ZNF541: variants seen among roughly 807,000 people sequenced by gnomAD.
ZNF541 encodes the protein zinc finger protein 541.
A neutral mutation model predicts 123.5 loss-of-function variants in ZNF541; 23 were observed. The ratio of observed to expected loss-of-function variants is 0.19; its 90% confidence interval spans 0.13 to 0.26. The LOEUF (loss-of-function observed/expected upper bound fraction) is 0.26. Ranked by LOEUF, ZNF541 falls within the 10% of genes least tolerant of loss-of-function variation. ZNF541 has a pLI of 1.00. For missense variants in ZNF541, 1,612 were observed against 1,789.9 expected, an observed-to-expected ratio of 0.90 and a Z score of 1.79; for synonymous variants, 751 against 754.5, an observed-to-expected ratio of 1.00 and a Z score of 0.08.
Position 47,549,403 on chromosome 19 carries a change from C to T in ZNF541, c.390G>A (p.Arg130=). The change falls in exon 4 of 17, where the codon CGG becomes CGA. Residue 130 remains arginine, a synonymous_variant. Coordinates refer to ENST00000391901, the MANE Select transcript of ZNF541 (RefSeq NM_001277075.3). ...GTGGGTTTTGAGGGGAACTGTGCTG[C>T]CGCTTTCCTTTCCTGGCACTCCCCG... is the stretch of plus-strand genomic sequence containing the variant. ...ATSGSARKGK[R]QHSSPQNPLL... 1 of 1,551,714 alleles carries T rather than the reference C, an allele frequency of 6.4e-7. No homozygotes were observed. The highest frequency in any genetic ancestry group is 1.2e-5 in the South Asian group (1 of 84,068).
At position 47,539,760 on chromosome 19, in the gene ZNF541, A is replaced by G; in HGVS notation, c.2741T>C (p.Val914Ala). The G allele has an allele frequency of 6.8e-7, 1 of 1,463,818 alleles. No homozygotes were observed. Among genetic ancestry groups the G allele is most frequent in the Non-Finnish European group, 9.0e-7 (1 of 1,114,294 alleles). The allele number at this position is 1,463,818 out of a possible 1,614,324, so 90.7% of individuals were successfully genotyped here. A position where few individuals can be genotyped will look rare whatever the true frequency, so the allele number is the denominator to read the frequency against. The part of the protein sequence containing the change: ...LDPTAAAPLV[V>A]PQSIPVVPVT... ...TGGAACCACGGGGATCGATTGGGGG[A>G]CCACCAAAGGGGCTGCAGCTGTGGG... Residue 914 changes from valine to alanine, a missense_variant, in exon 8 of 17, where the codon GTC (valine) becomes GCC (alanine). Val to Ala is a moderately conservative substitution (Grantham distance 64). Transcript: ENST00000391901.
chr19:47,571,256 G>C (rs1418720102), intron 2 of ZNF541, among the ~76,000 whole-genome samples: 2 of 151,964 alleles, frequency 1.3e-5, no homozygotes, highest in African/African-American at 2.4e-5. Flanking sequence ...GGGACTACAG[G>C]CGCCTGCCAC....
chr19:47,529,616 T>C lies in ZNF541; in HGVS notation c.3442A>G (p.Lys1148Glu), dbSNP rs376357174. ...TCAGCGAGCAGGTGTGTCCGTGGCT[T>C]GTGGGGCCCTCGGAGCAGAAGAGTC... ...LETLLLRGPHKPRTHLLADYR... is the reference protein window; with the variant it reads ...LETLLLRGPHEPRTHLLADYR... Residue 1148 changes from lysine to glutamate, a missense_variant, in exon 13 of 17, where the codon AAG becomes GAG. Transcript: ENST00000391901. 1.5e-4 allele frequency: 238 copies of C among 1,551,560 alleles called. No individual in the cohort carries two copies. The African/African-American group carries it at 2.7e-3, about 18-fold the overall frequency.
Position 47,555,620 on chromosome 19 carries a change from G to T in ZNF541, c.237C>A (p.Ser79=). Residue 79 remains serine (S), a synonymous_variant, in exon 3 of 17, where the codon TCC becomes TCA. Transcript: ENST00000391901. ...EDNLDTLSLY[S]GKDSDSVKLL... is the part of the protein sequence containing the mutation. ...GCTTCACAGAATCACTGTCCTTCCC[G>T]GAGTACAGGGACAAGGTGTCTAAGT... 6.4e-7 allele frequency: 1 copy of T among 1,551,602 alleles called. No homozygotes were observed. The highest frequency in any genetic ancestry group is 1.2e-5 in the South Asian group (1 of 84,056).
Position 47,521,221 on chromosome 19 carries a change from G to C in ZNF541, c.*3C>G. ...GCCCCATTCGGACTTGCTGCCACGG[G>C]AGTCACCACTGCAGGGGGCCGATGT... On this transcript the variant is annotated 3_prime_UTR_variant, in exon 17 of 17. Transcript: ENST00000391901. The surrounding 1 kb of genome is among the most constrained non-coding windows in gnomAD (Gnocchi z 4.2). The C allele has an allele frequency of 6.4e-7, 1 of 1,551,016 alleles. No homozygotes were observed. The highest frequency in any genetic ancestry group is 8.7e-7 in the Non-Finnish European group (1 of 1,146,594).
chr19:47,570,562 G>A (rs567288662), intron 2 of ZNF541, among the ~76,000 whole-genome samples: 2 of 111,680 alleles, frequency 1.8e-5, no homozygotes, highest in Non-Finnish European at 3.4e-5. Flanking sequence ...GGGCGACAGA[G>A]CAAGACTCTG....
chr19:47,566,032 C>A (rs997497662), intron 2 of ZNF541, among the ~76,000 whole-genome samples: 4 of 151,980 alleles, frequency 2.6e-5, no homozygotes, highest in African/African-American at 9.7e-5. Flanking sequence ...CAAAAATTAG[C>A]CGCGCATGGT....
Position 47,554,795 on chromosome 19 carries a change from C to T in ZNF541, c.307+755G>A, listed in dbSNP as rs142872133. Among the ~76,000 whole-genome samples the T allele has an allele frequency of 5.3e-5, 8 of 152,238 alleles. No homozygotes were observed. The East Asian group carries it at 9.7e-4, about 18-fold the overall frequency. On this transcript the variant is annotated intron_variant, in intron 3 of 16. Coordinates refer to ENST00000391901, the MANE Select transcript of ZNF541 (RefSeq NM_001277075.3). ...TTCCCTAGAATGAGTGTTCTGTTTC[C>T]TTTACTAAGAATTGGGGGCCGAGTG...
intron 9 of ZNF541, among the ~76,000 whole-genome samples, chr19:47,533,564 C>T (rs1969682057): frequency 6.6e-6 from 1 of 151,802 alleles, no homozygotes; most frequent in South Asian, 2.1e-4. Context: ...TCAACTAGGC[C>T]GGGTGGGGTG....
chr19:47,543,722 C>G (rs1234899984), intron 5 of ZNF541, among the ~76,000 whole-genome samples: 1 of 151,572 alleles, frequency 6.6e-6, no homozygotes, highest in African/African-American at 2.4e-5. Context: ...CTCACTGAAA[C>G]CTCCATCTTC....
At chr19:47,542,234 C>A (rs925519914) in intron 5 of ZNF541, among the ~76,000 whole-genome samples, 1 of 151,936 alleles carries the variant, frequency 6.6e-6, no homozygotes, top group African/African-American at 2.4e-5. Flanking sequence ...GGGGGGAGGG[C>A]GAGATTGTGG....
chr19:47,540,032 C>T (rs1202850855), intron 7 of ZNF541, 144 bp downstream of exon 7: 1 of 1,417,812 alleles, frequency 7.1e-7, no homozygotes, highest in Non-Finnish European at 9.4e-7. Flanking sequence ...CAATGGCCTG[C>T]CCCTGGAGAG....
chr19:47,546,180 C>CTTAA (rs1970347803), intron 4 of ZNF541, among the ~76,000 whole-genome samples, 200 bp from the exon 5 acceptor site: 3 of 148,532 alleles, frequency 2.0e-5, no homozygotes, highest in African/African-American at 7.7e-5. Flanking sequence ...CTCCCCTCAC[C>CTTAA]TTTAAGCAAA....
chr19:47,571,848 T>C (rs934810559), intron 2 of ZNF541, among the ~76,000 whole-genome samples, 48 bp downstream of exon 2: 25 of 152,176 alleles, frequency 1.6e-4, no homozygotes, highest in African/African-American at 5.8e-4. Context: ...ACGAGATCTA[T>C]CCAACAAAGC....
At chr19:47,555,390 T>C (rs1023587746) in intron 3 of ZNF541, among the ~76,000 whole-genome samples, 160 bp downstream of exon 3, 10 of 147,018 alleles carry the variant, frequency 6.8e-5, no homozygotes, top group Non-Finnish European at 1.2e-4. Context: ...AAAAAAAGAA[T>C]TGGGGAATGA....
chr19:47,567,460 T>C (rs1003227702), intron 2 of ZNF541, among the ~76,000 whole-genome samples: 5 of 152,202 alleles, frequency 3.3e-5, no homozygotes, highest in Non-Finnish European at 4.4e-5. Flanking sequence ...GGTTTCACCA[T>C]GTTGGCTAAG....
At chr19:47,529,519 G>C in intron 13 of ZNF541, 58 bp downstream of exon 13, 1 of 1,520,278 alleles carries the variant, frequency 6.6e-7, no homozygotes, top group Non-Finnish European at 8.9e-7. Context: ...CAACAGAGCT[G>C]GCCGATTCAT....
rs1353655871 is a variant in ZNF541 at position 47,545,765 on chromosome 19, C to T, written c.764G>A (p.Arg255Gln). Residue 255 changes from arginine (R) to glutamine (Q), a missense_variant, in exon 5 of 17, where the codon CGG (arginine) becomes CAG (glutamine). Physicochemically the swap from Arg to Gln is conservative, Grantham distance 43 (BLOSUM62 1). Around this residue, in one of 5 missense-constraint regions of ZNF541, gnomAD observed 1,080 missense variants for 1,013.8 expected, o/e 1.07. Transcript: ENST00000391901. This position sits in a 1 kb window ranked among gnomAD's most constrained non-coding sequence, Gnocchi z 7.5. The stretch of plus-strand genomic sequence containing the variant: ...CCTGGCCTCTGGGGGCACCAGGGAC[C>T]GCAGGCTGCTGGGGGGCGGCTGGCC... ...SAGQPPPSSL[R>Q]SLVPPEARSP... 2 of 1,541,330 alleles carry T rather than the reference C, an allele frequency of 1.3e-6. No homozygotes were observed. Among genetic ancestry groups the T allele is most frequent in the African/African-American group, 1.4e-5 (1 of 72,906 alleles).
At chr19:47,525,155 C>T (rs768252460) in intron 14 of ZNF541, among the ~76,000 whole-genome samples, 35 of 152,038 alleles carry the variant, frequency 2.3e-4, no homozygotes, top group Middle Eastern at 6.8e-3. Context: ...TGTGGTTGTG[C>T]GCACCTGTAA....
Sources: allele counts gnomAD v4.1 joint callset (sites outside exome capture counted in the v4.1 genomes callset), GRCh38; gene constraint gnomAD v4.1.1; regional missense constraint gnomAD v4.1.1; non-coding constraint Gnocchi (gnomAD v3.1); transcripts MANE v1.5; gene names NCBI Gene and HGNC (gene_info 2026-07-23, HGNC 2026-07-21).